Variants in HSPA14 observed in about 807,000 individuals in gnomAD.
HSPA14 encodes the protein heat shock protein family A (Hsp70) member 14, also known as heat shock 70 kDa protein 14.
HSPA14 carries 37 observed loss-of-function variants against 65.5 expected under a neutral mutation model. The ratio of observed to expected loss-of-function variants is 0.56; its 90% CI spans 0.43 to 0.74. HSPA14 has a LOEUF of 0.74. Among genes scored for constraint, HSPA14 ranks in the 30% least tolerant of loss-of-function variants. The pLI, the probability that HSPA14 is intolerant of heterozygous loss-of-function variation, is 0.00. For synonymous variants in HSPA14, 203 were observed against 214.2 expected (o/e 0.95, Z 0.46); for missense variants, 564 against 607.6 (o/e 0.93, Z 0.75).
At chr10:14,848,551 T>C in intron 3 of HSPA14, 58 bp from the exon 4 acceptor site, 2 of 1,279,988 alleles carry the variant, frequency 1.6e-6, no homozygotes, top group South Asian at 2.5e-5. Context: ...CTCTAAACTT[T>C]ATATATCTAC....
intron 10 of HSPA14, among the ~76,000 whole-genome samples, chr10:14,861,205 T>A (rs1832747379): frequency 1.3e-5 from 2 of 152,136 alleles, no homozygotes; most frequent in Non-Finnish European, 2.9e-5. Flanking sequence ...TCAAGTTGTG[T>A]TACAAGGGCA....
At chr10:14,861,745 A>G (rs1832751502) in intron 10 of HSPA14, among the ~76,000 whole-genome samples, 1 of 152,078 alleles carries the variant, frequency 6.6e-6, no homozygotes, top group Admixed American at 6.6e-5. Flanking sequence ...CAGGCTCGGT[A>G]GCTCACACCT....
intron 12 of HSPA14, among the ~76,000 whole-genome samples, chr10:14,869,069 A>C (rs113043079): frequency 0.011 from 1,602 of 152,156 alleles, 24 homozygotes; most frequent in African/African-American, 0.035. Flanking sequence ...GATGGTCTCG[A>C]TGTCATGACC....
In HSPA14 at chr10:14,842,372, A is replaced by T; in HGVS notation, c.221+2215A>T. 1 of 1,536,190 alleles carries T rather than the reference A, an allele frequency of 6.5e-7. No homozygotes were observed. Among genetic ancestry groups the T allele is most frequent in the Non-Finnish European group, 8.7e-7 (1 of 1,146,920 alleles). ...CTCCATACTAGGCGAGGCAGAGTAT[A>T]TTCAGCGCCTCCAGACTGTGCATCA... On this transcript the variant is annotated intron_variant, in intron 3 of 13. Coordinates refer to ENST00000378372, the MANE Select transcript of HSPA14 (RefSeq NM_016299.4). This position sits in a 1 kb window ranked among gnomAD's most constrained non-coding sequence, Gnocchi z 5.2.
chr10:14,844,842 C>T (rs1834028367), intron 3 of HSPA14: 3 of 985,362 alleles, frequency 3.0e-6, no homozygotes, highest in Non-Finnish European at 3.6e-6. Flanking sequence ...TATCAGTTTC[C>T]CATCCGCTTT....
At chr10:14,857,462 T>C (rs765083350) in intron 10 of HSPA14, among the ~76,000 whole-genome samples, 2 of 152,222 alleles carry the variant, frequency 1.3e-5, no homozygotes, top group African/African-American at 2.4e-5. Context: ...AAATTTCCAA[T>C]TGACTGTTGA....
chr10:14,845,612 G>A, intron 3 of HSPA14: 1 of 742,490 alleles, frequency 1.3e-6, no homozygotes, highest in Non-Finnish European at 1.6e-6. Flanking sequence ...TTTTTTTTTT[G>A]AGAAAAAGTC....
Position 14,843,572 on chromosome 10 carries a change from G to A in HSPA14, c.221+3415G>A, listed in dbSNP as rs757365266. On this transcript the variant is annotated intron_variant, in intron 3 of 13. Transcript: ENST00000378372. ...TCTTCGAGAGCTGGTTTTGTTTCTG[G>A]TGGGGATAGGCCCTTGACCAGTGAG... The A allele has an allele frequency of 2.6e-6, 4 of 1,550,656 alleles. No homozygotes were observed. The South Asian group carries it at 4.8e-5, about 18-fold the overall frequency.
At chr10:14,864,205 G>T (rs1266370336) in intron 10 of HSPA14, among the ~76,000 whole-genome samples, 1 of 148,556 alleles carries the variant, frequency 6.7e-6, no homozygotes, top group East Asian at 1.9e-4. Context: ...ACTCCAGCCC[G>T]GGTGACAGGG....
rs1285141609 is a variant in HSPA14, at chr10:14,840,062, T to A, written c.139-13T>A. 10 of 549,086 alleles carry A rather than the reference T, an allele frequency of 1.8e-5. No homozygotes were observed. In the African/African-American group the frequency reaches 7.2e-4, roughly 39 times the overall value. 34.0% of individuals were successfully genotyped at this position (549,086 alleles called of 1,614,324 possible). ...TTGTAATATATATATATATATATTA[T>A]TTTTTTTTTCAGATTGTTGGATTGG... On this transcript the variant is annotated splice_polypyrimidine_tract_variant and intron_variant, in intron 2 of 13. Transcript: ENST00000378372.
intron 5 of HSPA14, chr10:14,849,377 G>A (rs980609333): frequency 2.0e-6 from 1 of 491,218 alleles, no homozygotes; most frequent in South Asian, 1.5e-5. Flanking sequence ...TGGAAGGCAG[G>A]CTTTAAATGT....
At chr10:14,860,657 G>A (rs913020674) in intron 10 of HSPA14, among the ~76,000 whole-genome samples, 2 of 152,114 alleles carry the variant, frequency 1.3e-5, no homozygotes, top group Non-Finnish European at 2.9e-5. Flanking sequence ...AACTGAGTGA[G>A]CCAGGGAGAC....
At position 14,851,301 on chromosome 10, in the gene HSPA14, C is replaced by A; in HGVS notation, c.550C>A (p.Gln184Lys). 6.2e-7 allele frequency: 1 copy of A among 1,604,866 alleles called. No homozygotes were observed. The highest frequency in any genetic ancestry group is 8.5e-7 in the Non-Finnish European group (1 of 1,172,108). ...AGCTCTTCTTGCTTATGGAATTGGACAAGACTCCCCTACTGGAAAAAGGTA... is the reference window on the plus strand; with the variant it reads ...AGCTCTTCTTGCTTATGGAATTGGAAAAGACTCCCCTACTGGAAAAAGGTA... ...SAALLAYGIG[Q>K]DSPTGKSNIL... Residue 184 changes from glutamine (Q) to lysine (K), a missense_variant, in exon 7 of 14, where the codon CAA becomes AAA. Coordinates refer to ENST00000378372, the MANE Select transcript of HSPA14 (RefSeq NM_016299.4).
chr10:14,851,393 A>G (rs762380702), intron 7 of HSPA14, 70 bp downstream of exon 7: 123 of 872,910 alleles, frequency 1.4e-4, no homozygotes, highest in Non-Finnish European at 2.2e-4. Flanking sequence ...AGATTATATC[A>G]GTAAAGATTA....
At chr10:14,848,501 A>G in intron 3 of HSPA14, 108 bp from the exon 4 acceptor site, 1 of 698,252 alleles carries the variant, frequency 1.4e-6, no homozygotes, top group East Asian at 2.8e-5. Flanking sequence ...CTTTGTTAAT[A>G]TTTTAGTATT....
At chr10:14,845,230 G>A (rs1199775054) in intron 3 of HSPA14, 1 of 985,034 alleles carries the variant, frequency 1.0e-6, no homozygotes, top group Non-Finnish European at 1.2e-6. Context: ...AGCTTTTAGT[G>A]ATTTACTTAG....
In HSPA14 at chr10:14,864,815, C is replaced by T. The variant is rs574003319; in HGVS notation, c.994-2268C>T. Among the ~76,000 whole-genome samples, 325 of 152,258 alleles carry T rather than the reference C, an allele frequency of 2.1e-3. 2 individuals carry two copies. The highest frequency in any genetic ancestry group is 7.3e-3 in the African/African-American group (303 of 41,548). On this transcript the variant is annotated intron_variant, in intron 10 of 13. Coordinates refer to ENST00000378372, the MANE Select transcript of HSPA14 (RefSeq NM_016299.4). ...TGCATGTGTCTTTATGGCAGCATGA[C>T]TTATAATCCTTTGGGTATATACCCA...
chr10:14,843,654 C>T (rs749078509), intron 3 of HSPA14: 44 of 1,549,360 alleles, frequency 2.8e-5, no homozygotes, highest in South Asian at 4.8e-5. Context: ...CTATCGCAGC[C>T]GAGTTGGCAG....
At chr10:14,849,883 A>G in intron 6 of HSPA14, 72 bp downstream of exon 6, 2 of 912,882 alleles carry the variant, frequency 2.2e-6, no homozygotes, top group Non-Finnish European at 3.5e-6. Context: ...AAAAGGTAAC[A>G]TTGTATTTTA....
Sources: allele counts gnomAD v4.1 joint callset (sites outside exome capture counted in the v4.1 genomes callset), GRCh38; gene constraint gnomAD v4.1.1; non-coding constraint Gnocchi (gnomAD v3.1); transcripts MANE v1.5; gene names NCBI Gene and HGNC (gene_info 2026-07-23, HGNC 2026-07-21).